The following WDR3 variants were observed in gnomAD, a reference collection of about 807,000 sequenced individuals.
WDR3 encodes WD repeat-containing protein 3.
In WDR3, 81 loss-of-function variants were observed where a neutral mutation model predicts 123.7. The ratio of observed to expected loss-of-function variants is 0.65; its 90% CI spans 0.55 to 0.79. WDR3 has a LOEUF of 0.79. Ranked by LOEUF, WDR3 falls within the 30% of genes least tolerant of loss-of-function variation. The pLI is 0.00. For synonymous variants in WDR3, 390 were observed against 388.8 expected (o/e 1.00, Z -0.04); for missense variants, 1,027 against 1,123.2 (o/e 0.91, Z 1.22).
intron 15 of WDR3, 58 bp downstream of exon 15, chr1:117,950,188 T>C (rs1294191788): frequency 1.9e-6 from 3 of 1,601,060 alleles, no homozygotes; most frequent in Non-Finnish European, 2.6e-6. Context: ...CTTAAGAATT[T>C]GGGTTGAGGC....
rs1652629890 is a variant in WDR3, at chr1:117,958,940, A to T, written c.2613A>T (p.Gln871His). The T allele has an allele frequency of 6.2e-7, 1 of 1,613,912 alleles. No homozygotes were observed. Among genetic ancestry groups the T allele is most frequent in the Non-Finnish European group, 8.5e-7 (1 of 1,179,944 alleles). ...RIHFGQITSNQMLVPVIEKLR... is the reference protein window; with the variant it reads ...RIHFGQITSNHMLVPVIEKLR... ...ACTTTGGACAGATCACTAGCAATCA[A>T]ATGCTTGTGCCAGTGATAGAAAAAT... The change falls in exon 26 of 27, where the codon CAA becomes CAT. Residue 871 changes from glutamine to histidine, a missense_variant. Coordinates refer to ENST00000349139, the MANE Select transcript of WDR3 (RefSeq NM_006784.3).
At chr1:117,956,850 C>G (rs938707876) in intron 24 of WDR3, among the ~76,000 whole-genome samples, 1 of 152,042 alleles carries the variant, frequency 6.6e-6, no homozygotes, top group East Asian at 1.9e-4. Flanking sequence ...TAGATTTTCC[C>G]ATCATGCCAT....
intron 9 of WDR3, among the ~76,000 whole-genome samples, 181 bp downstream of exon 9, chr1:117,942,028 T>C (rs1416932400): frequency 3.3e-5 from 5 of 152,232 alleles, no homozygotes; most frequent in African/African-American, 4.8e-5. Flanking sequence ...ATCATCTGAT[T>C]TGGCAAATCT....
At position 117,949,977 on chromosome 1, in the gene WDR3, T is replaced by C. The variant is rs1173487327; in HGVS notation, c.1611-18T>C. The C allele has an allele frequency of 6.2e-7, 1 of 1,613,408 alleles. No homozygotes were observed. Among genetic ancestry groups the C allele is most frequent in the Non-Finnish European group, 8.5e-7 (1 of 1,179,768 alleles). ...TGTATACTCATTTATTTTTTCTTGA[T>C]GTTTTTTGTGGTGCTAGACTTTCTG... On this transcript the variant is annotated intron_variant, in intron 14 of 26. Coordinates refer to ENST00000349139, the MANE Select transcript of WDR3 (RefSeq NM_006784.3).
In WDR3 at chr1:117,931,222, G is replaced by C. The variant is rs138616474; in HGVS notation, c.-33+1440G>C. 2.0e-3 allele frequency among the ~76,000 whole-genome samples: 301 copies of C among 152,302 alleles called. 3 individuals carry two copies. Among genetic ancestry groups the C allele is most frequent in the East Asian group, 7.9e-3 (41 of 5,184 alleles). On this transcript the variant is annotated intron_variant, in intron 1 of 26. Transcript: ENST00000349139. ...TTACAGGCATGAGCCACCATACCAG[G>C]TCCTTATGGATAATTTTTTTATGCT...
chr1:117,934,962 T>A (rs1004114995), intron 3 of WDR3, among the ~76,000 whole-genome samples: 1 of 152,126 alleles, frequency 6.6e-6, no homozygotes, highest in Non-Finnish European at 1.5e-5. Context: ...AACAGTAAAA[T>A]AAGGAAAGAA....
Position 117,939,546 on chromosome 1 carries a change from G to T in WDR3, c.649G>T (p.Val217Leu), listed in dbSNP as rs756634185. The T allele has an allele frequency of 8.7e-6, 14 of 1,613,632 alleles. No individual in the cohort carries two copies. The Admixed American group carries it at 1.7e-4, about 19-fold the overall frequency. The change falls in exon 6 of 27, where the codon GTA (valine) becomes TTA (leucine). Residue 217 changes from valine (V) to leucine (L), a missense_variant. Physicochemically the swap from Val to Leu is conservative, Grantham distance 32 (BLOSUM62 1). Coordinates refer to ENST00000349139, the MANE Select transcript of WDR3 (RefSeq NM_006784.3). ...TGGGGCCTCAGACAGTGAACTGAGG[G>T]TATGGGACATAGCTTATCTGCAAGA... ...ITGASDSELR[V>L]WDIAYLQEIE...
chr1:117,946,373 A>G (rs183494654), intron 12 of WDR3, among the ~76,000 whole-genome samples, 194 bp downstream of exon 12: 1 of 152,328 alleles, frequency 6.6e-6, no homozygotes, highest in African/African-American at 2.4e-5. Context: ...AGAAAATTAA[A>G]ATCATGACCC....
rs1553208522 is a variant in WDR3 at position 117,961,023 on chromosome 1, C to CCTGTAATCCCACCA, written c.*1581_*1594dup. ...TCTGGGCTGCGTGCAGTGGCTCACGCCTGTAATCCCACCACTGTGGGAGGC... is the reference window on the plus strand; with the variant it reads ...TCTGGGCTGCGTGCAGTGGCTCACGCCTGTAATCCCACCACTGTAATCCCACCACTGTGGGAGGC... On this transcript the variant is annotated 3_prime_UTR_variant, in exon 27 of 27. Coordinates refer to ENST00000349139, the MANE Select transcript of WDR3 (RefSeq NM_006784.3). 1 of 152,212 alleles carries CCTGTAATCCCACCA rather than the reference C, an allele frequency of 6.6e-6. No homozygotes were observed. The highest frequency in any genetic ancestry group is 1.5e-5 in the Non-Finnish European group (1 of 68,054). 9.4% of individuals were successfully genotyped at this position (152,212 alleles called of 1,614,324 possible).
chr1:117,963,359 A>G lies in WDR3; in HGVS notation c.*3912A>G, dbSNP rs2101396047. 1 of 152,354 alleles carries G rather than the reference A, an allele frequency of 6.6e-6. No homozygotes were observed. The highest frequency in any genetic ancestry group is 2.1e-4 in the South Asian group (1 of 4,834). 9.4% of individuals were successfully genotyped at this position (152,354 alleles called of 1,614,324 possible). On this transcript the variant is annotated 3_prime_UTR_variant, in exon 27 of 27. Coordinates refer to ENST00000349139, the MANE Select transcript of WDR3 (RefSeq NM_006784.3). ...GCAACTAGTATAGTTATTTAAACAA[A>G]TATTTTCTTTTTTTTTTTTTTTGAG...
At chr1:117,948,855 T>A (rs975251071) in intron 13 of WDR3, among the ~76,000 whole-genome samples, 1 of 152,188 alleles carries the variant, frequency 6.6e-6, no homozygotes, top group Non-Finnish European at 1.5e-5. Flanking sequence ...TATGACTGTA[T>A]AAGCTAAGTA....
Position 117,943,522 on chromosome 1 carries a change from A to G in WDR3, c.1224A>G (p.Arg408=). The G allele has an allele frequency of 6.2e-7, 1 of 1,614,160 alleles. No homozygotes were observed. Among genetic ancestry groups the G allele is most frequent in the Non-Finnish European group, 8.5e-7 (1 of 1,180,030 alleles). ...CTCCTCAGCCTGTCAGGACAAGCAG[A>G]ATCACTATTGGGGGTCATCGCAGTG... ...LPTPQPVRTS[R]ITIGGHRSDV... is the part of the protein sequence containing the mutation. Residue 408 remains arginine, a synonymous_variant, in exon 11 of 27, where the codon AGA becomes AGG. Transcript: ENST00000349139.
At chr1:117,958,787 C>G (rs573048970) in intron 25 of WDR3, 123 bp from the exon 26 acceptor site, 2 of 425,870 alleles carry the variant, frequency 4.7e-6, no homozygotes, top group Non-Finnish European at 3.8e-6. Flanking sequence ...TTTTTTTGCT[C>G]GAAACATTTC....
Position 117,943,499 on chromosome 1 carries a change from C to T in WDR3, c.1201C>T (p.Pro401Ser). ...LYSLNPSLPT[P>S]QPVRTSRITI... is the part of the protein sequence containing the mutation. ...TTCACTGAATCCATCCTTGCCTACT[C>T]CTCAGCCTGTCAGGACAAGCAGAAT... Residue 401 changes from proline (P) to serine (S), a missense_variant, in exon 11 of 27, where the codon CCT becomes TCT. Coordinates refer to ENST00000349139, the MANE Select transcript of WDR3 (RefSeq NM_006784.3). 6.2e-7 allele frequency: 1 copy of T among 1,614,116 alleles called. No homozygotes were observed. Among genetic ancestry groups the T allele is most frequent in the Non-Finnish European group, 8.5e-7 (1 of 1,180,028 alleles).
At chr1:117,934,409 C>T in intron 2 of WDR3, 64 bp from the exon 3 acceptor site, 2 of 1,520,818 alleles carry the variant, frequency 1.3e-6, no homozygotes, top group South Asian at 1.2e-5. Flanking sequence ...CTGAGTATTC[C>T]TATGCTTTTC....
chr1:117,952,636 C>T lies in WDR3; in HGVS notation c.2125C>T (p.Leu709Phe). 1 of 1,613,256 alleles carries T rather than the reference C, an allele frequency of 6.2e-7. No homozygotes were observed. Residue 709 changes from leucine (L) to phenylalanine (F), a missense_variant, in exon 19 of 27, where the codon CTT becomes TTT. Transcript: ENST00000349139. Reference sequence around the variant, plus strand: ...ACTTTGGGAGAGAACAAGGGAGCCTCTTATTCTTGAGGAAGAAAGGGAGAT... The same window carrying T: ...ACTTTGGGAGAGAACAAGGGAGCCTTTTATTCTTGAGGAAGAAAGGGAGAT... ...LRLWERTREPLILEEEREMER... is the reference protein window; with the variant it reads ...LRLWERTREPFILEEEREMER...
At chr1:117,941,316 C>A (rs1404907544) in intron 8 of WDR3, 91 bp downstream of exon 8, 1 of 1,278,444 alleles carries the variant, frequency 7.8e-7, no homozygotes, top group Non-Finnish European at 1.1e-6. Context: ...ATGACTTTTT[C>A]TTGACTCATG....
intron 11 of WDR3, among the ~76,000 whole-genome samples, chr1:117,945,477 T>C (rs1181315301): frequency 1.3e-5 from 2 of 152,214 alleles, no homozygotes; most frequent in Admixed American, 6.5e-5. Context: ...ATTCTTACCC[T>C]ACTCCTTGCA....
intron 25 of WDR3, 25 bp from the exon 26 acceptor site, chr1:117,958,885 T>C: frequency 6.2e-7 from 1 of 1,604,956 alleles, no homozygotes; most frequent in Non-Finnish European, 8.5e-7. Context: ...CTCTGCAACA[T>C]GGCTGTGTTT....
Sources: allele counts gnomAD v4.1 joint callset (sites outside exome capture counted in the v4.1 genomes callset), GRCh38; gene constraint gnomAD v4.1.1; transcripts MANE v1.5; gene names NCBI Gene and HGNC (gene_info 2026-07-23, HGNC 2026-07-21).